GNAO1: variants seen among roughly 807,000 people sequenced by gnomAD.
GNAO1 encodes G protein subunit alpha o1.
For missense variants in GNAO1, 166 were observed against 478.7 expected, an observed-to-expected ratio of 0.35 and a Z score of 6.10; for synonymous variants, 164 against 180.7, an observed-to-expected ratio of 0.91 and a Z score of 0.74.
At position 56,336,656 on chromosome 16, in the gene GNAO1, C is replaced by T. The variant is rs2037742776; in HGVS notation, c.594-75C>T. ...ATGGCCCCCATCCTCTGCCTCTCAG[C>T]GTGCTCACAGCTTAATCCCCAGGCA... On this transcript the variant is annotated intron_variant, in intron 5 of 8. Transcript: ENST00000262493. 9.4e-6 allele frequency: 13 copies of T among 1,389,916 alleles called. No homozygotes were observed. The South Asian group carries it at 1.4e-4, about 14-fold the overall frequency. The allele number at this position is 1,389,916 out of a possible 1,614,324, so 86.1% of individuals were successfully genotyped here. A position where few individuals can be genotyped will look rare whatever the true frequency, so the allele number is the denominator to read the frequency against.
At chr16:56,289,035 G>C (rs113556336) in intron 3 of GNAO1, among the ~76,000 whole-genome samples, 4,268 of 151,902 alleles carry the variant, frequency 0.028, 159 homozygotes, top group East Asian at 0.18. Flanking sequence ...TCCAAAAAAG[G>C]GGGGGGGAGC....
At chr16:56,199,700 G>A (rs1433983301) in intron 2 of GNAO1, among the ~76,000 whole-genome samples, 4 of 152,166 alleles carry the variant, frequency 2.6e-5, no homozygotes, top group African/African-American at 7.2e-5. Context: ...GGGCTCTTTC[G>A]GGTTTCCAGC....
intron 2 of GNAO1, among the ~76,000 whole-genome samples, chr16:56,212,452 C>G (rs901524456): frequency 1.3e-5 from 2 of 152,214 alleles, no homozygotes; most frequent in East Asian, 1.9e-4. Context: ...ACTGTCATCT[C>G]TCATGACTTG....
chr16:56,214,552 A>C (rs1364131810), intron 2 of GNAO1, among the ~76,000 whole-genome samples: 1 of 152,262 alleles, frequency 6.6e-6, no homozygotes. Context: ...GGATGAAGTT[A>C]AAGTAAACAG....
At chr16:56,201,274 CCAGGT>C (rs1465294648) in intron 2 of GNAO1, among the ~76,000 whole-genome samples, 1 of 152,012 alleles carries the variant, frequency 6.6e-6, no homozygotes, top group African/African-American at 2.4e-5. Context: ...TGGTAGTTCA[CCAGGT>C]CGAAAAAAAG....
chr16:56,345,288 C>T (rs778121186), intron 6 of GNAO1: 30 of 985,408 alleles, frequency 3.0e-5, no homozygotes, highest in Non-Finnish European at 3.6e-5. Flanking sequence ...GCCTGGGGAC[C>T]TAGATGTGCC....
intron 7 of GNAO1, chr16:56,353,602 G>A (rs1374244886): frequency 6.6e-6 from 1 of 152,328 alleles, no homozygotes; most frequent in Admixed American, 6.5e-5. Context: ...GGGCTCGGCA[G>A]ACACAGCGAA....
chr16:56,347,557 C>T, intron 6 of GNAO1: 3 of 985,678 alleles, frequency 3.0e-6, no homozygotes, highest in Non-Finnish European at 3.6e-6. Flanking sequence ...AAAGAAGGGG[C>T]AGGCTGGGGG....
intron 6 of GNAO1, among the ~76,000 whole-genome samples, chr16:56,343,277 T>C (rs1486389840): frequency 6.6e-6 from 1 of 151,486 alleles, no homozygotes; most frequent in East Asian, 1.9e-4. Flanking sequence ...TCACTTGAGC[T>C]TAGGAATTCA....
chr16:56,262,948 G>C (rs1372345103), intron 2 of GNAO1, among the ~76,000 whole-genome samples: 1 of 152,214 alleles, frequency 6.6e-6, no homozygotes, highest in African/African-American at 2.4e-5. Context: ...TAACCGTTGG[G>C]TTTCAAAGAA....
At chr16:56,265,927 G>C (rs1170794608) in intron 2 of GNAO1, among the ~76,000 whole-genome samples, 1 of 152,106 alleles carries the variant, frequency 6.6e-6, no homozygotes, top group African/African-American at 2.4e-5. Context: ...AAGCCCTGCT[G>C]GTTCCTCATC....
chr16:56,287,965 C>T (rs950600929), intron 3 of GNAO1, among the ~76,000 whole-genome samples: 42 of 152,292 alleles, frequency 2.8e-4, no homozygotes, highest in African/African-American at 8.2e-4. Context: ...TGTCCAGTGT[C>T]GATGGTGCAC....
chr16:56,341,764 T>C (rs1416539922), intron 6 of GNAO1, among the ~76,000 whole-genome samples: 1 of 152,182 alleles, frequency 6.6e-6, no homozygotes, highest in Non-Finnish European at 1.5e-5. Context: ...GGTTGGCAGC[T>C]CTGGTCAGTG....
intron 2 of GNAO1, among the ~76,000 whole-genome samples, chr16:56,265,889 C>T (rs866936589): frequency 3.3e-5 from 5 of 152,190 alleles, no homozygotes; most frequent in Non-Finnish European, 4.4e-5. Flanking sequence ...GGCCTCATCC[C>T]CCACTTTCCC....
chr16:56,277,776 TAC>T (rs60891936), intron 3 of GNAO1, among the ~76,000 whole-genome samples: 4,442 of 107,876 alleles, frequency 0.041, 159 homozygotes, highest in African/African-American at 0.063. Context: ...GCACACCCCC[TAC>T]ACACACACAC....
chr16:56,323,286 T>C (rs1357321680), intron 3 of GNAO1, among the ~76,000 whole-genome samples: 1 of 152,208 alleles, frequency 6.6e-6, no homozygotes, highest in African/African-American at 2.4e-5. Context: ...ATACCCATTA[T>C]GATTAAGTTT....
chr16:56,328,896 C>G, intron 4 of GNAO1, 105 bp downstream of exon 4: 1 of 1,166,798 alleles, frequency 8.6e-7, no homozygotes, highest in Non-Finnish European at 1.2e-6. Context: ...CGGCTGAGGT[C>G]ACGCCTGCCG....
chr16:56,262,107 G>GT (rs1165364024), intron 2 of GNAO1, among the ~76,000 whole-genome samples: 2 of 152,212 alleles, frequency 1.3e-5, no homozygotes, highest in African/African-American at 4.8e-5. Context: ...AGAAAGGATG[G>GT]TTCCCCCAAG....
chr16:56,192,390 C>G, intron 1 of GNAO1, 37 bp downstream of exon 1: 3 of 1,251,142 alleles, frequency 2.4e-6, no homozygotes, highest in Non-Finnish European at 3.5e-6. Context: ...CCCCCGACCC[C>G]GGCCACTCCG....
Sources: allele counts gnomAD v4.1 joint callset (sites outside exome capture counted in the v4.1 genomes callset), GRCh38; gene constraint gnomAD v4.1.1; transcripts MANE v1.5; gene names NCBI Gene and HGNC (gene_info 2026-07-23, HGNC 2026-07-21).